Variants in TLCD4 observed in about 807,000 individuals in gnomAD.
TLCD4 encodes TLC domain containing 4.
Under a neutral mutation model 24.2 loss-of-function variants are expected in TLCD4, and 7 were observed. The ratio of observed to expected loss-of-function variants is 0.29; its 90% CI spans 0.16 to 0.54. TLCD4 has a LOEUF of 0.54. TLCD4 is among the 20% of genes least tolerant of loss of function. The pLI is 0.95. For synonymous variants in TLCD4, 103 were observed against 106.4 expected, an observed-to-expected ratio of 0.97 and a Z score of 0.20; for missense variants, 259 against 313.9, an observed-to-expected ratio of 0.82 and a Z score of 1.32.
At chr1:95,115,088 T>TTATA (rs71588543), upstream of TLCD4, among the ~76,000 whole-genome samples, 391 of 143,818 alleles carry the variant, frequency 2.7e-3, 2 homozygotes, top group East Asian at 6.1e-3. Context: ...TATATACACA[T>TTATA]TATATATATA....
At chr1:95,188,852 T>C (rs989290866) in intron 6 of TLCD4, among the ~76,000 whole-genome samples, 34 of 152,188 alleles carry the variant, frequency 2.2e-4, no homozygotes, top group African/African-American at 7.5e-4. Flanking sequence ...GTTTCTTTCA[T>C]TGGAGAGTGG....
the TLCD4 span, among the ~76,000 whole-genome samples, chr1:95,094,291 T>C: frequency 6.9e-6 from 1 of 143,886 alleles, no homozygotes; most frequent in African/African-American, 2.6e-5. Flanking sequence ...CCCTCACATC[T>C]GGCTAATTGC....
At chr1:95,139,065 T>G (rs1472810826) in intron 1 of TLCD4, among the ~76,000 whole-genome samples, 7 of 145,322 alleles carry the variant, frequency 4.8e-5, no homozygotes, top group Non-Finnish European at 3.0e-5. Flanking sequence ...GTGGTGGCTA[T>G]GTGGGAGGCT....
chr1:95,189,852 A>G (rs920877895), intron 6 of TLCD4, among the ~76,000 whole-genome samples: 7 of 152,156 alleles, frequency 4.6e-5, no homozygotes, highest in Non-Finnish European at 1.0e-4. Context: ...GTGGACATAC[A>G]TTTTTTAATC....
the TLCD4 span, among the ~76,000 whole-genome samples, chr1:95,108,095 T>C: frequency 4.6e-5 from 7 of 152,180 alleles, no homozygotes; most frequent in Non-Finnish European, 1.0e-4. Flanking sequence ...TCATGTTTTC[T>C]AATTTTCTCT....
At chr1:95,135,395 CTTT>C (rs1188061128) in intron 1 of TLCD4, among the ~76,000 whole-genome samples, 2 of 130,494 alleles carry the variant, frequency 1.5e-5, no homozygotes, top group African/African-American at 2.9e-5. Context: ...TTTTTGTACA[CTTT>C]TTTTTTTTTT....
intron 5 of TLCD4, among the ~76,000 whole-genome samples, chr1:95,161,121 TC>T (rs1454236889): frequency 6.6e-6 from 1 of 152,232 alleles, no homozygotes; most frequent in Non-Finnish European, 1.5e-5. Flanking sequence ...CGGCTGTGGA[TC>T]CGTCTGCTCC....
chr1:95,183,222 T>C (rs1382628444), intron 6 of TLCD4, among the ~76,000 whole-genome samples: 1 of 152,162 alleles, frequency 6.6e-6, no homozygotes, highest in Non-Finnish European at 1.5e-5. Context: ...GCTGTGGGAC[T>C]AGAGAGATGA....
the TLCD4 span, among the ~76,000 whole-genome samples, chr1:95,100,132 A>G: frequency 2.0e-5 from 3 of 152,268 alleles, no homozygotes; most frequent in South Asian, 6.2e-4. Context: ...GCATATATAT[A>G]CATATAGAAT....
At chr1:95,126,011 G>A (rs1386755298) in intron 1 of TLCD4, among the ~76,000 whole-genome samples, 1 of 149,096 alleles carries the variant, frequency 6.7e-6, no homozygotes, top group African/African-American at 2.5e-5. Flanking sequence ...AGGAAAAGAG[G>A]CCAGGTGCAG....
At chr1:95,144,979 C>T (rs1677307358) in intron 2 of TLCD4, among the ~76,000 whole-genome samples, 1 of 152,238 alleles carries the variant, frequency 6.6e-6, no homozygotes, top group Non-Finnish European at 1.5e-5. Flanking sequence ...GCATGAGCCA[C>T]TGCACCCTGC....
intron 6 of TLCD4, among the ~76,000 whole-genome samples, chr1:95,191,121 T>C (rs995389026): frequency 6.6e-6 from 1 of 152,232 alleles, no homozygotes; most frequent in Admixed American, 6.5e-5. Flanking sequence ...TTTAGGTCTA[T>C]GATCCATTTT....
At chr1:95,146,929 A>T (rs1479434908) in intron 2 of TLCD4, among the ~76,000 whole-genome samples, 1 of 152,144 alleles carries the variant, frequency 6.6e-6, no homozygotes, top group Non-Finnish European at 1.5e-5. Context: ...TTCAAAAGGG[A>T]GCTTTCTGAC....
At chr1:95,148,946 A>G (rs1165302248) in intron 3 of TLCD4, among the ~76,000 whole-genome samples, 155 bp downstream of exon 3, 3 of 152,246 alleles carry the variant, frequency 2.0e-5, no homozygotes, top group South Asian at 2.1e-4. Context: ...GTGCATTTAA[A>G]TGATTTATTT....
intron 6 of TLCD4, among the ~76,000 whole-genome samples, chr1:95,174,918 G>C (rs551495004): frequency 2.6e-5 from 4 of 152,058 alleles, no homozygotes; most frequent in Non-Finnish European, 5.9e-5. Flanking sequence ...AGGGATTACA[G>C]GTGCCCACCA....
At chr1:95,153,312 AT>A (rs1270798210) in intron 5 of TLCD4, among the ~76,000 whole-genome samples, 2 of 152,134 alleles carry the variant, frequency 1.3e-5, no homozygotes, top group Admixed American at 1.3e-4. Flanking sequence ...TGTCATATAT[AT>A]TTTGCCATAA....
intron 5 of TLCD4, among the ~76,000 whole-genome samples, chr1:95,158,685 T>G (rs1571752711): frequency 8.7e-6 from 1 of 115,334 alleles, no homozygotes. Flanking sequence ...CAGGCCCCGG[T>G]GTGTGCTGTT....
At chr1:95,179,915 C>T (rs1462723824) in intron 6 of TLCD4, among the ~76,000 whole-genome samples, 1 of 152,216 alleles carries the variant, frequency 6.6e-6, no homozygotes, top group Non-Finnish European at 1.5e-5. Context: ...TCTTTCCAGG[C>T]TGAATTGGGT....
At chr1:95,098,185 G>A in the TLCD4 span, among the ~76,000 whole-genome samples, 2 of 152,060 alleles carry the variant, frequency 1.3e-5, no homozygotes, top group African/African-American at 4.8e-5. Context: ...GGCTCAAAGA[G>A]GTTCTCTTTC....
Sources: allele counts gnomAD v4.1 joint callset (sites outside exome capture counted in the v4.1 genomes callset), GRCh38; gene constraint gnomAD v4.1.1; transcripts MANE v1.5; gene names NCBI Gene and HGNC (gene_info 2026-07-23, HGNC 2026-07-21).